The following SDHC variants were observed in gnomAD, a reference collection of about 807,000 sequenced individuals.
SDHC encodes the protein succinate dehydrogenase cytochrome b560 subunit, mitochondrial.
Under a neutral mutation model 22.6 loss-of-function variants are expected in SDHC, and 11 were observed. The observed-to-expected ratio is 0.49, with a 90% CI of 0.31 to 0.81. The LOEUF (loss-of-function observed/expected upper bound fraction) is 0.81. SDHC is among the 30% of genes least tolerant of loss of function. The pLI is 0.05. For synonymous variants in SDHC, 80 were observed against 77.8 expected (o/e 1.03, Z -0.15); for missense variants, 160 against 212.0 (o/e 0.75, Z 1.52).
At chr1:161,324,777 T>C (rs564692162) in intron 2 of SDHC, among the ~76,000 whole-genome samples, 5 of 152,182 alleles carry the variant, frequency 3.3e-5, no homozygotes, top group Non-Finnish European at 7.3e-5. Flanking sequence ...AACAAAGAAA[T>C]TGTTTTACAT....
chr1:161,343,406 A>G (rs749408216), intron 4 of SDHC, among the ~76,000 whole-genome samples: 86 of 152,164 alleles, frequency 5.7e-4, no homozygotes, highest in Non-Finnish European at 1.0e-3. Context: ...AGACATATAT[A>G]TGTAGTTTTG....
chr1:161,344,978 C>T (rs1671843650), intron 4 of SDHC, among the ~76,000 whole-genome samples: 1 of 152,216 alleles, frequency 6.6e-6, no homozygotes, highest in Non-Finnish European at 1.5e-5. Flanking sequence ...ATTTTTCACA[C>T]AACAGCAAGA....
intron 4 of SDHC, among the ~76,000 whole-genome samples, chr1:161,347,570 A>G (rs1671944100): frequency 6.7e-6 from 1 of 149,988 alleles, no homozygotes; most frequent in African/African-American, 2.4e-5. Context: ...CTGTTTCTTA[A>G]GAATGGTGTT....
At chr1:161,324,068 G>A (rs553911698) in intron 2 of SDHC, among the ~76,000 whole-genome samples, 20 of 152,316 alleles carry the variant, frequency 1.3e-4, no homozygotes, top group African/African-American at 4.6e-4. Flanking sequence ...ATGTACGACA[G>A]TGGGCAGTTG....
chr1:161,336,748 G>T (rs1038493272), intron 3 of SDHC, among the ~76,000 whole-genome samples: 7 of 152,096 alleles, frequency 4.6e-5, no homozygotes, highest in African/African-American at 1.7e-4. Context: ...CATTTTTTGG[G>T]TTTTTTGAAA....
At chr1:161,333,744 T>C (rs1310157710) in intron 3 of SDHC, among the ~76,000 whole-genome samples, 2 of 152,178 alleles carry the variant, frequency 1.3e-5, no homozygotes, top group Non-Finnish European at 2.9e-5. Context: ...TTTTCCAAAG[T>C]GACTGTACCA....
chr1:161,322,187 G>C lies in SDHC; in HGVS notation c.21-1427G>C, dbSNP rs554630925. ...TCATGTCAGCACTTAAAACATTTTG[G>C]GTTATGGAGGGTTTCAGATTCTGGA... On this transcript the variant is annotated intron_variant, in intron 1 of 5. Transcript: ENST00000367975. 2.0e-5 allele frequency among the ~76,000 whole-genome samples: 3 copies of C among 152,234 alleles called. No homozygotes were observed. The South Asian group carries it at 6.2e-4, about 32-fold the overall frequency.
At chr1:161,342,012 C>T (rs1174300171) in intron 4 of SDHC, among the ~76,000 whole-genome samples, 1 of 152,038 alleles carries the variant, frequency 6.6e-6, no homozygotes. Context: ...AATTTCTATT[C>T]CATTTATAAT....
intron 3 of SDHC, among the ~76,000 whole-genome samples, chr1:161,339,959 C>T (rs147996257): frequency 0.013 from 1,939 of 151,926 alleles, 43 homozygotes; most frequent in African/African-American, 0.042. Flanking sequence ...GGATTACAGG[C>T]GTGAGGCACC....
At chr1:161,337,171 G>A (rs1281361502) in intron 3 of SDHC, among the ~76,000 whole-genome samples, 1 of 151,006 alleles carries the variant, frequency 6.6e-6, no homozygotes, top group Non-Finnish European at 1.5e-5. Context: ...CTGAGCCACT[G>A]TGCCTGCCCA....
At chr1:161,351,520 C>G (rs1672095186) in intron 4 of SDHC, among the ~76,000 whole-genome samples, 1 of 152,140 alleles carries the variant, frequency 6.6e-6, no homozygotes, top group Non-Finnish European at 1.5e-5. Flanking sequence ...AATAGTTAAT[C>G]TTATACCTCT....
intron 4 of SDHC, among the ~76,000 whole-genome samples, chr1:161,341,083 G>T (rs554740289): frequency 4.6e-5 from 7 of 152,184 alleles, no homozygotes; most frequent in Middle Eastern, 6.8e-3. Flanking sequence ...CTCATGATCC[G>T]CCTGCCTCAG....
At chr1:161,359,664 G>A (rs1055022084) in intron 5 of SDHC, among the ~76,000 whole-genome samples, 1 of 152,192 alleles carries the variant, frequency 6.6e-6, no homozygotes, top group African/African-American at 2.4e-5. Context: ...TCTTTTTGTT[G>A]AGGGAAGTGA....
intron 2 of SDHC, among the ~76,000 whole-genome samples, chr1:161,327,944 G>A (rs2102306283): frequency 6.7e-6 from 1 of 149,330 alleles, no homozygotes; most frequent in East Asian, 2.1e-4. Flanking sequence ...TTAAAATAGT[G>A]TCACTCTGGC....
At chr1:161,356,574 A>G (rs1672280801) in intron 4 of SDHC, 103 bp from the exon 5 acceptor site, 2 of 1,187,396 alleles carry the variant, frequency 1.7e-6, no homozygotes, top group Non-Finnish European at 2.5e-6. Flanking sequence ...CTCCATTTCA[A>G]AATGGTTTAG....
At chr1:161,318,566 TGGCC>T in intron 1 of SDHC, among the ~76,000 whole-genome samples, 1 of 152,356 alleles carries the variant, frequency 6.6e-6, no homozygotes, top group East Asian at 1.9e-4. Flanking sequence ...ATTAACTATC[TGGCC>T]AGTACTCATT....
chr1:161,329,222 T>C (rs1671184415), intron 3 of SDHC, among the ~76,000 whole-genome samples: 1 of 152,018 alleles, frequency 6.6e-6, no homozygotes. Flanking sequence ...TCTTAAATTA[T>C]TCAGACATGC....
Position 161,340,678 on chromosome 1 carries a change from A to G in SDHC, c.241+23A>G, listed in dbSNP as rs112546108. 3.7e-5 allele frequency: 60 copies of G among 1,603,534 alleles called. No homozygotes were observed. The African/African-American group carries it at 4.9e-4, about 13-fold the overall frequency. ...CAGGTATGTATATGTGTTTTTACAC[A>G]CACATATGTGCTTCTTTGAAAAACT... is the stretch of plus-strand genomic sequence containing the variant. On this transcript the variant is annotated intron_variant, in intron 4 of 5. Coordinates refer to ENST00000367975, the MANE Select transcript of SDHC (RefSeq NM_003001.5).
chr1:161,336,556 G>T (rs1462139551), intron 3 of SDHC, among the ~76,000 whole-genome samples: 2 of 152,036 alleles, frequency 1.3e-5, no homozygotes, highest in Non-Finnish European at 2.9e-5. Context: ...TTTTTTCACA[G>T]GTCATATAAA....
Sources: allele counts gnomAD v4.1 joint callset (sites outside exome capture counted in the v4.1 genomes callset), GRCh38; gene constraint gnomAD v4.1.1; transcripts MANE v1.5; gene names NCBI Gene and HGNC (gene_info 2026-07-23, HGNC 2026-07-21).